ZNF782: variants seen among roughly 807,000 people sequenced by gnomAD.
ZNF782 encodes zinc finger protein 782.
A neutral mutation model predicts 13.0 loss-of-function variants in ZNF782; 12 were observed. That is an observed-to-expected ratio of 0.92 (90% CI 0.59 to 1.50). The LOEUF (loss-of-function observed/expected upper bound fraction) is 1.50. Among genes scored for constraint, ZNF782 ranks in the 40% most tolerant of loss-of-function variants. The pLI is 0.00. For missense variants in ZNF782, 770 were observed against 822.9 expected, an observed-to-expected ratio of 0.94 and a Z score of 0.79; for synonymous variants, 284 against 283.0, an observed-to-expected ratio of 1.00 and a Z score of -0.04.
chr9:96,891,212 G>A, the ZNF782 span: 1 of 152,092 alleles, frequency 6.6e-6, no homozygotes, highest in Non-Finnish European at 1.5e-5. Flanking sequence ...TAAATGGGAT[G>A]TTTGCACAAC....
chr9:96,882,058 T>C, the ZNF782 span, among the ~76,000 whole-genome samples: 1 of 151,558 alleles, frequency 6.6e-6, no homozygotes, highest in Non-Finnish European at 1.5e-5. Context: ...ATCTAAAAAA[T>C]AATATTAGGA....
the ZNF782 span, among the ~76,000 whole-genome samples, chr9:96,919,943 G>C: frequency 2.0e-5 from 3 of 151,506 alleles, no homozygotes; most frequent in Non-Finnish European, 4.4e-5. Context: ...CTGAATGTTG[G>C]GGGAAAATAG....
the ZNF782 span, among the ~76,000 whole-genome samples, chr9:96,920,410 G>A: frequency 6.7e-6 from 1 of 149,860 alleles, no homozygotes; most frequent in Non-Finnish European, 1.5e-5. Context: ...GGGACTACAG[G>A]CGCCCACCAC....
chr9:96,912,862 G>A, the ZNF782 span, among the ~76,000 whole-genome samples: 1 of 151,544 alleles, frequency 6.6e-6, no homozygotes, highest in South Asian at 2.1e-4. Flanking sequence ...AAGTTGCTGG[G>A]GTTTTTTTTG....
chr9:96,917,500 C>T, the ZNF782 span, among the ~76,000 whole-genome samples: 4 of 151,622 alleles, frequency 2.6e-5, no homozygotes, highest in African/African-American at 4.8e-5. Flanking sequence ...GGTGCAATCT[C>T]GGCTCACTGC....
intron 5 of ZNF782, among the ~76,000 whole-genome samples, chr9:96,823,378 T>C (rs1023113478): frequency 2.0e-5 from 3 of 152,238 alleles, no homozygotes; most frequent in Admixed American, 2.0e-4. Flanking sequence ...TATGTTTCCA[T>C]TTTTCCTCAG....
At chr9:96,853,284 T>A (rs902743499) in intron 1 of ZNF782, among the ~76,000 whole-genome samples, 1 of 152,200 alleles carries the variant, frequency 6.6e-6, no homozygotes, top group Admixed American at 6.5e-5. Flanking sequence ...TCACCAAGTC[T>A]GGCTCATTCT....
chr9:96,827,020 G>A, intron 5 of ZNF782, 60 bp downstream of exon 5: 1 of 1,097,672 alleles, frequency 9.1e-7, no homozygotes, highest in Non-Finnish European at 1.3e-6. Context: ...TATACGCTGA[G>A]TTGTGTGAGT....
the ZNF782 span, among the ~76,000 whole-genome samples, chr9:96,926,460 A>G: frequency 6.6e-6 from 1 of 152,232 alleles, no homozygotes; most frequent in African/African-American, 2.4e-5. Flanking sequence ...AGATCGAGGT[A>G]GAGTTGCACA....
At chr9:96,824,853 G>T (rs1850560226) in intron 5 of ZNF782, among the ~76,000 whole-genome samples, 1 of 146,974 alleles carries the variant, frequency 6.8e-6, no homozygotes. Context: ...TACAAGGGAT[G>T]TGAAGGACCT....
At chr9:96,861,630 A>G (rs1291634362) in intron 1 of ZNF782, 1 of 154,178 alleles carries the variant, frequency 6.5e-6, no homozygotes. Context: ...AAAGGCATAC[A>G]CATGGGAAAT....
chr9:96,926,340 A>G, the ZNF782 span, among the ~76,000 whole-genome samples: 126 of 151,088 alleles, frequency 8.3e-4, no homozygotes, highest in African/African-American at 2.9e-3. Flanking sequence ...CCCGTGATAA[A>G]AGATCGCGTC....
In ZNF782 at chr9:96,817,913, A is replaced by G. The variant is rs1010382017; in HGVS notation, c.*10T>C. On this transcript the variant is annotated 3_prime_UTR_variant, in exon 6 of 6. Coordinates refer to ENST00000481138, the MANE Select transcript of ZNF782 (RefSeq NM_001001662.3). ...CTCAGAGTTTTTTCGTATTCTTTAT[A>G]TGCATACATTTAATCCCCTGGGTGG... is the stretch of plus-strand genomic sequence containing the variant. 2 of 1,537,284 alleles carry G rather than the reference A, an allele frequency of 1.3e-6. No individual in the cohort carries two copies. Among genetic ancestry groups the G allele is most frequent in the South Asian group, 2.6e-5 (2 of 75,946 alleles).
At chr9:96,849,696 C>T (rs1353824429) in intron 3 of ZNF782, among the ~76,000 whole-genome samples, 1 of 152,070 alleles carries the variant, frequency 6.6e-6, no homozygotes, top group Non-Finnish European at 1.5e-5. Context: ...AGCTTCTACA[C>T]AGCAAAAGAA....
chr9:96,887,455 TAA>T, the ZNF782 span: 1 of 152,220 alleles, frequency 6.6e-6, no homozygotes, highest in African/African-American at 2.4e-5. Flanking sequence ...GTACAGTAAT[TAA>T]AAGACAGAGA....
intron 4 of ZNF782, among the ~76,000 whole-genome samples, chr9:96,833,262 T>C (rs1850865562): frequency 6.6e-6 from 1 of 152,174 alleles, no homozygotes; most frequent in Non-Finnish European, 1.5e-5. Flanking sequence ...TCATAACTAA[T>C]AATACTGATA....
chr9:96,925,896 C>T, the ZNF782 span, among the ~76,000 whole-genome samples: 1 of 146,726 alleles, frequency 6.8e-6, no homozygotes, highest in African/African-American at 2.6e-5. Context: ...GTCCTCTGAA[C>T]AGGGGATCCA....
chr9:96,838,360 A>AAT (rs1237754626), intron 4 of ZNF782, among the ~76,000 whole-genome samples: 2 of 152,196 alleles, frequency 1.3e-5, no homozygotes, highest in African/African-American at 4.8e-5. Context: ...TGTAGTCTAA[A>AAT]AATGTCAGTA....
chr9:96,830,237 G>A (rs1027979374), intron 4 of ZNF782, among the ~76,000 whole-genome samples: 3 of 152,198 alleles, frequency 2.0e-5, no homozygotes, highest in Non-Finnish European at 4.4e-5. Flanking sequence ...CTGCTGCCAT[G>A]AAAGGACAAG....
Sources: gnomAD v4.1 joint callset for allele counts (sites outside exome capture counted in the v4.1 genomes callset) on GRCh38, gnomAD v4.1.1 for gene constraint, MANE v1.5 for transcripts, NCBI Gene and HGNC (gene_info 2026-07-23, HGNC 2026-07-21) for gene names.